Variants in HERC6 observed in about 807,000 individuals in gnomAD.
The protein encoded by HERC6 is probable E3 ubiquitin-protein ligase HERC6.
A neutral mutation model predicts 114.5 loss-of-function variants in HERC6; 101 were observed. The ratio of observed to expected loss-of-function variants is 0.88; its 90% CI spans 0.75 to 1.04. The LOEUF is 1.04. Ranked by LOEUF, HERC6 falls within the 50% of genes least tolerant of loss-of-function variation. The pLI is 0.00. For synonymous variants in HERC6, 408 were observed against 436.2 expected, an observed-to-expected ratio of 0.94 and a Z score of 0.81; for missense variants, 1,133 against 1,230.9, an observed-to-expected ratio of 0.92 and a Z score of 1.19.
chr4:88,396,877 C>T lies in HERC6; in HGVS notation c.914C>T (p.Thr305Ile). The part of the protein sequence containing the change: ...GSYHTLAYVH[T>I]TGQVVSFGHG... ...TATCACACCCTGGCATATGTGCACA[C>T]CACTGGTCAGGTGGTATCTTTTGGT... is the stretch of plus-strand genomic sequence containing the variant. Residue 305 changes from threonine (T) to isoleucine (I), a missense_variant, in exon 7 of 23, where the codon ACC becomes ATC. By Grantham distance (89) the Thr-to-Ile change is moderately conservative (BLOSUM62 -1). Coordinates refer to ENST00000264346, the MANE Select transcript of HERC6 (RefSeq NM_017912.4). 2 of 1,602,186 alleles carry T rather than the reference C, an allele frequency of 1.2e-6. No homozygotes were observed. Among genetic ancestry groups the T allele is most frequent in the South Asian group, 1.1e-5 (1 of 89,772 alleles).
intron 16 of HERC6, among the ~76,000 whole-genome samples, chr4:88,430,262 A>G (rs186128039): frequency 7.9e-4 from 120 of 152,302 alleles, no homozygotes; most frequent in African/African-American, 2.5e-3. Context: ...GATAGTACAT[A>G]GCCATAAAGT....
At chr4:88,433,298 T>C (rs887210811) in intron 17 of HERC6, among the ~76,000 whole-genome samples, 1 of 152,144 alleles carries the variant, frequency 6.6e-6, no homozygotes, top group African/African-American at 2.4e-5. Context: ...ATTTCAGATT[T>C]TGGATTTTCA....
At chr4:88,432,260 C>G (rs2148997870) in intron 17 of HERC6, among the ~76,000 whole-genome samples, 1 of 152,178 alleles carries the variant, frequency 6.6e-6, no homozygotes, top group African/African-American at 2.4e-5. Flanking sequence ...GACTTCGGTC[C>G]TATCCCCAAG....
intron 17 of HERC6, among the ~76,000 whole-genome samples, chr4:88,434,283 T>G (rs1453670532): frequency 6.6e-6 from 1 of 152,230 alleles, no homozygotes; most frequent in Non-Finnish European, 1.5e-5. Context: ...TTTCCTCACC[T>G]AGAAAATGGA....
intron 15 of HERC6, among the ~76,000 whole-genome samples, chr4:88,426,190 C>T (rs374341371): frequency 5.3e-5 from 8 of 151,926 alleles, no homozygotes; most frequent in East Asian, 1.9e-4. Context: ...TATTTTGAGA[C>T]AGAGTTTTGC....
chr4:88,391,848 G>T (rs1252686417), intron 4 of HERC6, among the ~76,000 whole-genome samples: 1 of 152,138 alleles, frequency 6.6e-6, no homozygotes, highest in African/African-American at 2.4e-5. Flanking sequence ...CACCTAACCT[G>T]TGCCAGTCCC....
intron 8 of HERC6, chr4:88,399,127 G>A (rs965730443): frequency 6.6e-6 from 1 of 152,118 alleles, no homozygotes; most frequent in African/African-American, 2.4e-5. Context: ...TTCCTATTAT[G>A]AGGAATGTTT....
intron 8 of HERC6, among the ~76,000 whole-genome samples, chr4:88,403,876 AT>A (rs1386997919): frequency 6.6e-6 from 1 of 152,188 alleles, no homozygotes; most frequent in Non-Finnish European, 1.5e-5. Context: ...CATTTTTATC[AT>A]TTTAAGTATA....
chr4:88,383,485 G>T (rs1734422127), intron 2 of HERC6, 105 bp downstream of exon 2: 3 of 895,156 alleles, frequency 3.4e-6, no homozygotes, highest in South Asian at 5.4e-5. Flanking sequence ...CAGGCCAGCT[G>T]CAGTGGTTCA....
chr4:88,387,760 G>C (rs1442231051), intron 3 of HERC6, among the ~76,000 whole-genome samples: 1 of 152,190 alleles, frequency 6.6e-6, no homozygotes, highest in African/African-American at 2.4e-5. Flanking sequence ...AAGATACCCT[G>C]TATACCTTGT....
intron 17 of HERC6, among the ~76,000 whole-genome samples, chr4:88,434,989 A>G (rs921323723): frequency 2.0e-5 from 3 of 152,216 alleles, no homozygotes; most frequent in African/African-American, 4.8e-5. Context: ...TAAATATGGC[A>G]ACTAGACTGT....
intron 12 of HERC6, among the ~76,000 whole-genome samples, chr4:88,416,043 A>T (rs1736442213): frequency 6.6e-6 from 1 of 152,234 alleles, no homozygotes; most frequent in South Asian, 2.1e-4. Flanking sequence ...GGGTCTTCAG[A>T]CCAGTTGGTG....
intron 7 of HERC6, among the ~76,000 whole-genome samples, chr4:88,397,672 T>C (rs11946811): frequency 0.49 from 74,067 of 151,434 alleles, 20,962 homozygotes; most frequent in African/African-American, 0.79. Context: ...GGCAACAGGG[T>C]GAGACTCCAT....
chr4:88,405,407 A>T (rs1735770407), intron 9 of HERC6, 147 bp from the exon 10 acceptor site: 1 of 465,386 alleles, frequency 2.1e-6, no homozygotes, highest in Admixed American at 4.0e-5. Context: ...AACAAAGTAT[A>T]CCCAGGATTT....
chr4:88,383,798 A>G (rs927918891), intron 2 of HERC6, among the ~76,000 whole-genome samples: 3 of 143,650 alleles, frequency 2.1e-5, no homozygotes, highest in Non-Finnish European at 3.1e-5. Flanking sequence ...AAAAAAGACT[A>G]TGACAAACAC....
chr4:88,392,912 T>A (rs1424040304), intron 4 of HERC6, among the ~76,000 whole-genome samples: 1 of 152,224 alleles, frequency 6.6e-6, no homozygotes, highest in Non-Finnish European at 1.5e-5. Flanking sequence ...GTACTTCTCC[T>A]TTTTGCCTTT....
intron 3 of HERC6, among the ~76,000 whole-genome samples, chr4:88,386,011 C>G (rs1222262547): frequency 6.6e-6 from 1 of 151,692 alleles, no homozygotes; most frequent in Non-Finnish European, 1.5e-5. Flanking sequence ...AACAATTGTA[C>G]ATCTACACTT....
intron 14 of HERC6, 54 bp downstream of exon 14, chr4:88,424,027 TTACTGTAG>T: frequency 1.2e-6 from 1 of 845,838 alleles, no homozygotes; most frequent in Non-Finnish European, 1.8e-6. Context: ...GGAAGACACA[TTACTGTAG>T]TATCTGTAAA....
At chr4:88,395,638 G>A (rs908600779) in intron 5 of HERC6, among the ~76,000 whole-genome samples, 54 of 151,786 alleles carry the variant, frequency 3.6e-4, no homozygotes, top group Non-Finnish European at 2.4e-4. Flanking sequence ...TCACCATGCT[G>A]TACAATACAT....
Sources: allele counts gnomAD v4.1 joint callset (sites outside exome capture counted in the v4.1 genomes callset), GRCh38; gene constraint gnomAD v4.1.1; transcripts MANE v1.5; gene names NCBI Gene and HGNC (gene_info 2026-07-23, HGNC 2026-07-21).